Variants in RTTN observed in about 807,000 individuals in gnomAD.
RTTN encodes rotatin.
RTTN carries 182 observed loss-of-function variants against 269.2 expected under a neutral mutation model. The ratio of observed to expected loss-of-function variants is 0.68; its 90% CI spans 0.60 to 0.76. The LOEUF (loss-of-function observed/expected upper bound fraction) is 0.76, where lower values mean the gene tolerates loss of function less well. RTTN is among the 30% of genes least tolerant of loss of function. The pLI is 0.00. For missense variants in RTTN, 2,545 were observed against 2,608.6 expected, an observed-to-expected ratio of 0.98 and a Z score of 0.53; for synonymous variants, 1,006 against 963.5, an observed-to-expected ratio of 1.04 and a Z score of -0.82.
chr18:70,100,773 GT>G (rs2059139372), intron 28 of RTTN, among the ~76,000 whole-genome samples: 1 of 152,110 alleles, frequency 6.6e-6, no homozygotes, highest in African/African-American at 2.4e-5. Flanking sequence ...TTTACTGAGA[GT>G]TTTTAGCATG....
intron 46 of RTTN, among the ~76,000 whole-genome samples, chr18:70,016,406 G>GA (rs1169543571): frequency 1.3e-5 from 2 of 152,142 alleles, no homozygotes; most frequent in African/African-American, 4.8e-5. Flanking sequence ...AAACCAAGAA[G>GA]AGTGGGCTTC....
At chr18:70,180,740 C>A (rs552809408) in intron 10 of RTTN, among the ~76,000 whole-genome samples, 1 of 152,248 alleles carries the variant, frequency 6.6e-6, no homozygotes, top group African/African-American at 2.4e-5. Flanking sequence ...ATGGAGTTTG[C>A]AGGGTCATGA....
At chr18:70,070,336 A>G (rs1274831899) in intron 34 of RTTN, among the ~76,000 whole-genome samples, 1 of 152,236 alleles carries the variant, frequency 6.6e-6, no homozygotes, top group African/African-American at 2.4e-5. Context: ...AACAGAGTAT[A>G]ACATTTTCTT....
chr18:70,058,796 T>TA (rs74175402), intron 36 of RTTN, among the ~76,000 whole-genome samples: 35,772 of 151,902 alleles, frequency 0.24, 5,381 homozygotes, highest in South Asian at 0.4. Context: ...GTAGGTACAG[T>TA]AAAAAAATGA....
chr18:70,020,674 C>T lies in RTTN; in HGVS notation c.6094G>A (p.Val2032Ile). Residue 2032 changes from valine to isoleucine, a missense_variant, in exon 45 of 49, where the codon GTT becomes ATT. By Grantham distance (29) the Val-to-Ile change is conservative (BLOSUM62 3). Coordinates refer to ENST00000640769, the MANE Select transcript of RTTN (RefSeq NM_173630.4). The part of the protein sequence containing the change: ...PLENTTVQQM[V>I]FMLLSNLALS... ...GCCAGGTTTGAAAGAAGCATAAAAA[C>T]CATCTGCTGAACCGTGGTGTTCTCC... is the stretch of plus-strand genomic sequence containing the variant. 6.2e-7 allele frequency: 1 copy of T among 1,614,070 alleles called. No homozygotes were observed.
At chr18:70,175,738 G>A (rs1413689728) in intron 11 of RTTN, among the ~76,000 whole-genome samples, 3 of 151,738 alleles carry the variant, frequency 2.0e-5, no homozygotes, top group African/African-American at 7.3e-5. Context: ...AAACCAACTT[G>A]ACCAATACTT....
intron 27 of RTTN, among the ~76,000 whole-genome samples, chr18:70,112,894 TAA>T (rs2059509658): frequency 6.6e-6 from 1 of 152,114 alleles, no homozygotes; most frequent in Non-Finnish European, 1.5e-5. Flanking sequence ...GCACTTATTC[TAA>T]AATTGACCAC....
intron 35 of RTTN, among the ~76,000 whole-genome samples, chr18:70,064,696 G>C (rs920179368): frequency 6.6e-6 from 1 of 152,150 alleles, no homozygotes; most frequent in African/African-American, 2.4e-5. Context: ...GGGAGACAGG[G>C]AGTGACTGCT....
intron 14 of RTTN, among the ~76,000 whole-genome samples, chr18:70,159,601 T>C (rs2060773239): frequency 6.6e-6 from 1 of 151,982 alleles, no homozygotes; most frequent in Non-Finnish European, 1.5e-5. Flanking sequence ...TGAATGAAAC[T>C]GAGACACAAA....
At chr18:70,092,926 T>C in intron 28 of RTTN, 122 bp from the exon 29 acceptor site, 1 of 789,760 alleles carries the variant, frequency 1.3e-6, no homozygotes, top group Non-Finnish European at 1.8e-6. Flanking sequence ...TGTAATATTT[T>C]TAGTTTATAT....
rs1599492262 is a variant in RTTN at position 70,092,535 on chromosome 18, C to A, written c.4032+141G>T. On this transcript the variant is annotated intron_variant, in intron 29 of 48. Transcript: ENST00000640769. Reference sequence around the variant, plus strand: ...TACAACTTCTAAGAAATATTCTAGTCAAAAATCATTCACGTTACCTAAAAA... The same window carrying A: ...TACAACTTCTAAGAAATATTCTAGTAAAAAATCATTCACGTTACCTAAAAA... 1.0e-5 allele frequency: 9 copies of A among 889,480 alleles called. No homozygotes were observed. The East Asian group carries it at 2.3e-4, about 23-fold the overall frequency. The allele number at this position is 889,480 out of a possible 1,614,324, so 55.1% of individuals were successfully genotyped here. A position where few individuals can be genotyped will look rare whatever the true frequency, so the allele number is the denominator to read the frequency against.
intron 35 of RTTN, among the ~76,000 whole-genome samples, chr18:70,064,022 T>C (rs1018549089): frequency 7.8e-5 from 11 of 141,340 alleles, no homozygotes; most frequent in African/African-American, 2.6e-4. Flanking sequence ...AAGAGTAAAA[T>C]TGCATAAATA....
intron 14 of RTTN, among the ~76,000 whole-genome samples, chr18:70,152,001 A>C (rs750730492): frequency 2.0e-5 from 3 of 152,180 alleles, no homozygotes; most frequent in African/African-American, 7.2e-5. Flanking sequence ...ACCATTCCAC[A>C]GGAGCTTCTC....
At position 70,094,838 on chromosome 18, in the gene RTTN, C is replaced by CT. The variant is rs563330665; in HGVS notation, c.3904-2035dup. ...AGCTGAGTTCAACTCTTGAATATCC[C>CT]TTTTTTTTTTTCTGAATATCCTTTT... is the stretch of plus-strand genomic sequence containing the variant. On this transcript the variant is annotated intron_variant, in intron 28 of 48. Transcript: ENST00000640769. 6.4e-3 allele frequency among the ~76,000 whole-genome samples: 936 copies of CT among 145,366 alleles called. 6 individuals carry two copies. Among genetic ancestry groups the CT allele is most frequent in the African/African-American group, 0.019 (742 of 40,036 alleles).
chr18:70,157,044 C>T (rs954128784), intron 14 of RTTN, among the ~76,000 whole-genome samples: 1 of 152,176 alleles, frequency 6.6e-6, no homozygotes, highest in African/African-American at 2.4e-5. Flanking sequence ...GCCTTCCTGT[C>T]AGAGCGCTTT....
intron 10 of RTTN, among the ~76,000 whole-genome samples, chr18:70,186,037 A>G (rs925217125): frequency 6.6e-6 from 1 of 150,984 alleles, no homozygotes; most frequent in Non-Finnish European, 1.5e-5. Context: ...ATTAAAACCC[A>G]CTAAGATACC....
At chr18:70,134,949 G>A (rs980572833) in intron 22 of RTTN, among the ~76,000 whole-genome samples, 4 of 152,088 alleles carry the variant, frequency 2.6e-5, no homozygotes, top group Admixed American at 2.6e-4. Flanking sequence ...AAAAATTACT[G>A]CAGTAATTTT....
chr18:70,056,464 A>C (rs2057819585), intron 37 of RTTN, among the ~76,000 whole-genome samples: 2 of 152,210 alleles, frequency 1.3e-5, no homozygotes, highest in South Asian at 4.1e-4. Context: ...AATGCCCATA[A>C]ATGTTTGCTA....
In RTTN at chr18:70,201,902, C is replaced by T. The variant is rs762243161; in HGVS notation, c.479G>A (p.Arg160Gln). ...SNFQQMEVPPRPVVNQTVKCL... is the reference protein window; with the variant it reads ...SNFQQMEVPPQPVVNQTVKCL... Reference sequence around the variant, plus strand: ...TCCCGACATATACACACCCACTGGTCGTGGCGGCACTTCCATCTGCTGGAA... The same window carrying T: ...TCCCGACATATACACACCCACTGGTTGTGGCGGCACTTCCATCTGCTGGAA... Residue 160 changes from arginine to glutamine, a missense_variant, in exon 4 of 49, where the codon CGA (arginine) becomes CAA (glutamine). By Grantham distance (43) the Arg-to-Gln change is conservative (BLOSUM62 1). Transcript: ENST00000640769. 3.7e-5 allele frequency: 60 copies of T among 1,602,162 alleles called. No homozygotes were observed. Among genetic ancestry groups the T allele is most frequent in the Non-Finnish European group, 4.8e-5 (56 of 1,169,706 alleles).
Sources: allele counts gnomAD v4.1 joint callset (sites outside exome capture counted in the v4.1 genomes callset), GRCh38; gene constraint gnomAD v4.1.1; transcripts MANE v1.5; gene names NCBI Gene and HGNC (gene_info 2026-07-23, HGNC 2026-07-21).